Variants in LHFPL3 observed in about 807,000 individuals in gnomAD.
The protein encoded by LHFPL3 is LHFPL tetraspan subfamily member 3.
Under a neutral mutation model 19.3 loss-of-function variants are expected in LHFPL3, and 5 were observed. That is an observed-to-expected ratio of 0.26 (90% CI 0.14 to 0.54). LHFPL3 has a LOEUF of 0.54. LHFPL3 is among the 20% of genes least tolerant of loss of function. LHFPL3 has a pLI of 0.94. For missense variants in LHFPL3, 249 were observed against 307.4 expected, an observed-to-expected ratio of 0.81 and a Z score of 1.42; for synonymous variants, 133 against 126.2, an observed-to-expected ratio of 1.05 and a Z score of -0.36.
intron 1 of LHFPL3, among the ~76,000 whole-genome samples, chr7:104,469,746 G>C (rs6945624): frequency 0.51 from 77,272 of 151,864 alleles, 20,462 homozygotes; most frequent in East Asian, 0.68. Flanking sequence ...GTTTCTAGGA[G>C]TCCAGGAAAA....
intron 1 of LHFPL3, among the ~76,000 whole-genome samples, chr7:104,368,087 T>C (rs1439567677): frequency 1.3e-5 from 2 of 152,178 alleles, no homozygotes; most frequent in African/African-American, 2.4e-5. Flanking sequence ...GAGAGAAGTA[T>C]TGAGTGAAGC....
intron 1 of LHFPL3, among the ~76,000 whole-genome samples, chr7:104,456,857 C>T (rs34934682): frequency 0.21 from 32,605 of 152,108 alleles, 3,802 homozygotes; most frequent in African/African-American, 0.31. Flanking sequence ...GAGATTTCAT[C>T]ATGCTACTTA....
At chr7:104,641,683 T>C (rs1483019304) in intron 1 of LHFPL3, among the ~76,000 whole-genome samples, 24 of 152,086 alleles carry the variant, frequency 1.6e-4, no homozygotes, top group Admixed American at 1.6e-3. Context: ...CCTTCTTAAA[T>C]TGAGGGGAGG....
intron 1 of LHFPL3, among the ~76,000 whole-genome samples, chr7:104,724,065 G>A (rs996153746): frequency 2.6e-5 from 4 of 152,148 alleles, no homozygotes; most frequent in African/African-American, 4.8e-5. Flanking sequence ...TTAAACTTTC[G>A]TTGACTGAGG....
At chr7:104,600,107 T>C (rs936948725) in intron 1 of LHFPL3, among the ~76,000 whole-genome samples, 2 of 152,198 alleles carry the variant, frequency 1.3e-5, no homozygotes, top group African/African-American at 4.8e-5. Flanking sequence ...ATCACATTTT[T>C]ATTTTGTGTT....
At chr7:104,795,868 T>C (rs1790113656) in intron 2 of LHFPL3, among the ~76,000 whole-genome samples, 2 of 152,338 alleles carry the variant, frequency 1.3e-5, no homozygotes, top group Admixed American at 1.3e-4. Context: ...TACTTTGGCA[T>C]AGCTTCTTAC....
chr7:104,390,240 A>G (rs561624549), intron 1 of LHFPL3, among the ~76,000 whole-genome samples: 1 of 152,126 alleles, frequency 6.6e-6, no homozygotes, highest in South Asian at 2.1e-4. Context: ...CACAACGTGC[A>G]GGTTTCTTAC....
intron 1 of LHFPL3, among the ~76,000 whole-genome samples, chr7:104,401,000 A>G (rs569015112): frequency 2.6e-4 from 39 of 152,348 alleles, no homozygotes; most frequent in Admixed American, 1.1e-3. Flanking sequence ...GTCCTATAGA[A>G]GTAACAGAAT....
intron 1 of LHFPL3, among the ~76,000 whole-genome samples, chr7:104,548,143 G>A (rs1188791120): frequency 6.6e-6 from 1 of 152,068 alleles, no homozygotes; most frequent in Non-Finnish European, 1.5e-5. Context: ...AAAATATGAA[G>A]CAAAATGTCT....
intron 2 of LHFPL3, among the ~76,000 whole-genome samples, chr7:104,884,497 G>A (rs1254372955): frequency 6.6e-6 from 1 of 152,182 alleles, no homozygotes; most frequent in Non-Finnish European, 1.5e-5. Context: ...GCATTTCAGT[G>A]AATTTCCTAA....
intron 2 of LHFPL3, among the ~76,000 whole-genome samples, chr7:104,866,481 G>C (rs1791725429): frequency 6.6e-6 from 1 of 152,124 alleles, no homozygotes; most frequent in African/African-American, 2.4e-5. Flanking sequence ...GACAAAGAAG[G>C]CCATTACATA....
intron 2 of LHFPL3, among the ~76,000 whole-genome samples, chr7:104,856,751 T>C (rs911868426): frequency 1.3e-5 from 2 of 152,256 alleles, no homozygotes; most frequent in Non-Finnish European, 2.9e-5. Flanking sequence ...AAAGCAAATT[T>C]CTTTCAACAT....
intron 1 of LHFPL3, among the ~76,000 whole-genome samples, chr7:104,425,121 A>T (rs1791818915): frequency 6.6e-6 from 1 of 152,008 alleles, no homozygotes; most frequent in African/African-American, 2.4e-5. Context: ...AATAAAAAGT[A>T]TTCTGATCAC....
intron 2 of LHFPL3, chr7:104,894,511 A>T (rs1792316051): frequency 6.6e-6 from 1 of 152,182 alleles, no homozygotes; most frequent in African/African-American, 2.4e-5. Context: ...GTCCGCTGGC[A>T]CCTTCACTCC....
rs151330763 is a variant in LHFPL3 at position 104,656,935 on chromosome 7, T to A, written c.446-79740T>A. Among the ~76,000 whole-genome samples, 234 of 152,344 alleles carry A rather than the reference T, an allele frequency of 1.5e-3. 3 individuals are homozygous for A. Among genetic ancestry groups the A allele is most frequent in the African/African-American group, 5.3e-3 (222 of 41,580 alleles). Reference sequence around the variant, plus strand: ...CATGTTACATCTGTTTTCTGAACTTTTGGTTGTTCACAAGCCCACACCTGA... The same window carrying A: ...CATGTTACATCTGTTTTCTGAACTTATGGTTGTTCACAAGCCCACACCTGA... On this transcript the variant is annotated intron_variant, in intron 1 of 2. Transcript: ENST00000424859.
At chr7:104,571,371 A>G (rs1022628207) in intron 1 of LHFPL3, among the ~76,000 whole-genome samples, 9 of 152,256 alleles carry the variant, frequency 5.9e-5, no homozygotes, top group Middle Eastern at 3.4e-3. Flanking sequence ...AAGAGCTTCA[A>G]TAGTCAGTGG....
chr7:104,549,447 CAACA>C (rs1224754535), intron 1 of LHFPL3, among the ~76,000 whole-genome samples: 1 of 68,234 alleles, frequency 1.5e-5, no homozygotes, highest in Non-Finnish European at 3.2e-5. Flanking sequence ...GCCCTTAACC[CAACA>C]CACACACACA....
intron 1 of LHFPL3, among the ~76,000 whole-genome samples, chr7:104,671,571 CAAAAAA>C (rs34805741): frequency 1.6e-5 from 2 of 125,208 alleles, no homozygotes; most frequent in African/African-American, 6.5e-5. Context: ...CTTTAAAGTT[CAAAAAA>C]AAAAAAAAAG....
chr7:104,478,889 A>G (rs1055725907), intron 1 of LHFPL3, among the ~76,000 whole-genome samples: 2 of 152,206 alleles, frequency 1.3e-5, no homozygotes, highest in Non-Finnish European at 2.9e-5. Context: ...CCAGGACAAC[A>G]TTGCCCCGGA....
Sources: allele counts gnomAD v4.1 joint callset (sites outside exome capture counted in the v4.1 genomes callset), GRCh38; gene constraint gnomAD v4.1.1; transcripts MANE v1.5; gene names NCBI Gene and HGNC (gene_info 2026-07-23, HGNC 2026-07-21).